Variants in NME2 observed in about 807,000 individuals in gnomAD.
NME2 encodes the protein NME/NM23 nucleoside diphosphate kinase 2.
NME2 carries 18 observed loss-of-function variants against 17.8 expected under a neutral mutation model. That is an observed-to-expected ratio of 1.01 (90% CI 0.70 to 1.50). The LOEUF (loss-of-function observed/expected upper bound fraction) is 1.50, where lower values mean the gene tolerates loss of function less well. NME2 is among the 40% of genes most tolerant of loss of function. The probability of loss-of-function intolerance (pLI) is 0.00; values close to 1 mark genes in which losing one functional copy is unlikely to be tolerated. For missense variants in NME2, 161 were observed against 195.6 expected (o/e 0.82, Z 1.05); for synonymous variants, 74 against 71.4 (o/e 1.04, Z -0.19).
chr17:51,170,104 A>T, intron 4 of NME2, 55 bp downstream of exon 4: 1 of 1,334,686 alleles, frequency 7.5e-7, no homozygotes, highest in Non-Finnish European at 1.0e-6. Flanking sequence ...TTTAAAGCAG[A>T]CGTCATGGCG....
In NME2 at chr17:51,168,343, G is replaced by T; in HGVS notation, c.228G>T (p.Met76Ile). The T allele has an allele frequency of 3.1e-6, 5 of 1,613,812 alleles. No individual in the cohort carries two copies. The South Asian group carries it at 5.5e-5, about 18-fold the overall frequency. The part of the protein sequence containing the change: ...KYMNSGPVVA[M>I]VWEGLNVVKT... ...TGAACTCAGGGCCGGTTGTGGCCATGGTGAGTGCTCGTGGGGAATGAGAGA... is the reference window on the plus strand; with the variant it reads ...TGAACTCAGGGCCGGTTGTGGCCATTGTGAGTGCTCGTGGGGAATGAGAGA... Residue 76 changes from methionine (M) to isoleucine (I), a missense_variant and splice_region_variant, in exon 3 of 5, where the codon ATG becomes ATT. Physicochemically the swap from Met to Ile is conservative, Grantham distance 10. Transcript: ENST00000512737.
chr17:51,169,439 CAAA>C (rs35598805), intron 3 of NME2: 26,837 of 98,780 alleles, frequency 0.27, 2,747 homozygotes, highest in Non-Finnish European at 0.33. Context: ...GACTCTGTCT[CAAA>C]AAAAAAAAAA....
chr17:51,170,089 C>A, intron 4 of NME2, 40 bp downstream of exon 4: 3 of 1,477,674 alleles, frequency 2.0e-6, no homozygotes, highest in Non-Finnish European at 2.8e-6. Context: ...TTTTATGCAA[C>A]ACCATTTAAA....
chr17:51,169,099 A>T (rs1161494936), intron 3 of NME2, among the ~76,000 whole-genome samples: 1 of 152,172 alleles, frequency 6.6e-6, no homozygotes, highest in African/African-American at 2.4e-5. Flanking sequence ...CTATACTAGA[A>T]GCAGTTTCTT....
chr17:51,167,105 C>G, intron 2 of NME2, 149 bp downstream of exon 2: 2 of 1,497,030 alleles, frequency 1.3e-6, no homozygotes, highest in Non-Finnish European at 1.8e-6. Flanking sequence ...GCGGCTTGGG[C>G]CCGCCGACCC....
chr17:51,170,116 A>T, intron 4 of NME2, 67 bp downstream of exon 4: 11 of 1,072,238 alleles, frequency 1.0e-5, no homozygotes, highest in Admixed American at 3.0e-5. Flanking sequence ...GTCATGGCGT[A>T]TCCTACTTTC....
chr17:51,167,320 C>T (rs1218417892), intron 2 of NME2: 2 of 310,216 alleles, frequency 6.4e-6, no homozygotes, highest in African/African-American at 2.3e-5. Flanking sequence ...GGCTTGGAAT[C>T]TCCTTTGCTT....
In NME2 at chr17:51,168,355, T is replaced by G. The variant is rs543921723; in HGVS notation, c.228+12T>G. 19 of 1,612,966 alleles carry G rather than the reference T, an allele frequency of 1.2e-5. No individual in the cohort carries two copies. The African/African-American group carries it at 2.4e-4, about 20-fold the overall frequency. ...CGGTTGTGGCCATGGTGAGTGCTCG[T>G]GGGGAATGAGAGAAAATGAGGAAAA... On this transcript the variant is annotated intron_variant, in intron 3 of 4. Transcript: ENST00000512737.
intron 3 of NME2, among the ~76,000 whole-genome samples, chr17:51,168,637 C>G (rs1042091080): frequency 3.3e-5 from 5 of 151,922 alleles, no homozygotes; most frequent in African/African-American, 1.2e-4. Flanking sequence ...TGCCACTGCA[C>G]TCCAGCCTGG....
chr17:51,167,731 A>G (rs1431423152), intron 2 of NME2, among the ~76,000 whole-genome samples: 1 of 152,194 alleles, frequency 6.6e-6, no homozygotes, highest in African/African-American at 2.4e-5. Context: ...TCACGCCTAT[A>G]ATCCCAGCAA....
rs138826459 is a variant in NME2 at position 51,168,288 on chromosome 17, G to A, written c.173G>A (p.Arg58Gln). The change falls in exon 3 of 5, where the codon CGA becomes CAA. Residue 58 changes from arginine (R) to glutamine (Q), a missense_variant. Physicochemically the swap from Arg to Gln is conservative, Grantham distance 43. Coordinates refer to ENST00000512737, the MANE Select transcript of NME2 (RefSeq NM_002512.4). ...LKQHYIDLKD[R>Q]PFFPGLVKYM... ...CAGCACTACATTGACCTGAAAGACC[G>A]ACCATTCTTCCCTGGGCTGGTGAAG... 191 of 1,613,916 alleles carry A rather than the reference G, an allele frequency of 1.2e-4. No homozygotes were observed. The highest frequency in any genetic ancestry group is 1.3e-4 in the Non-Finnish European group (158 of 1,179,908).
chr17:51,171,218 G>A (rs2050062788), intron 4 of NME2, among the ~76,000 whole-genome samples: 1 of 152,176 alleles, frequency 6.6e-6, no homozygotes, highest in Non-Finnish European at 1.5e-5. Flanking sequence ...AGTGTTTTAT[G>A]TCTTCGGCAA....
Position 51,166,882 on chromosome 17 carries a change from C to T in NME2, c.52C>T (p.Arg18Cys), listed in dbSNP as rs753832491. The T allele has an allele frequency of 1.9e-6, 3 of 1,613,814 alleles. No homozygotes were observed. Among genetic ancestry groups the T allele is most frequent in the Non-Finnish European group, 2.5e-6 (3 of 1,179,850 alleles). The change falls in exon 2 of 5, where the codon CGC becomes TGC. Residue 18 changes from arginine to cysteine, a missense_variant. By Grantham distance (180) the Arg-to-Cys change is radical. Transcript: ENST00000512737. ...FIAIKPDGVQ[R>C]GLVGEIIKRF... is the part of the protein sequence containing the mutation. ...CGCCATCAAGCCGGACGGCGTGCAG[C>T]GCGGCCTGGTGGGCGAGATCATCAA...
At chr17:51,169,439 C>CAAAAAAAAA (rs35598805) in intron 3 of NME2, 1 of 99,106 alleles carries the variant, frequency 1.0e-5, no homozygotes, top group Non-Finnish European at 2.1e-5. Context: ...GACTCTGTCT[C>CAAAAAAAAA]AAAAAAAAAA....
chr17:51,171,651 C>A lies in NME2; in HGVS notation c.*47C>A. Reference sequence around the variant, plus strand: ...TCCTTCAGCACGGCGTGGTGTGTCCCTGGACACAGCTCTTCATTCCATTGA... The same window carrying A: ...TCCTTCAGCACGGCGTGGTGTGTCCATGGACACAGCTCTTCATTCCATTGA... On this transcript the variant is annotated 3_prime_UTR_variant, in exon 5 of 5. Transcript: ENST00000512737. The A allele has an allele frequency of 4.5e-6, 6 of 1,321,370 alleles. No individual in the cohort carries two copies. Among genetic ancestry groups the A allele is most frequent in the Non-Finnish European group, 6.5e-6 (6 of 922,774 alleles). 81.9% of individuals were successfully genotyped at this position (1,321,370 alleles called of 1,614,324 possible). A position where few individuals can be genotyped will look rare whatever the true frequency, so the allele number is the denominator to read the frequency against.
In NME2 at chr17:51,171,380, A is replaced by G; in HGVS notation, c.342-107A>G. ...GGGGTATAAATTGGTCTGTTGCTTC[A>G]AGTGGCAATTTGGCTGAAAGAGTCT... On this transcript the variant is annotated intron_variant, in intron 4 of 4. Transcript: ENST00000512737. 3 of 862,358 alleles carry G rather than the reference A, an allele frequency of 3.5e-6. No individual in the cohort carries two copies. In the South Asian group the frequency reaches 4.8e-5, roughly 14 times the overall value. The allele number at this position is 862,358 out of a possible 1,614,324, so 53.4% of individuals were successfully genotyped here.
intron 2 of NME2, 102 bp downstream of exon 2, chr17:51,167,058 T>C: frequency 6.3e-7 from 1 of 1,599,494 alleles, no homozygotes. Flanking sequence ...TTCATTTCGC[T>C]GCCGCGAAAT....
chr17:51,171,392 G>T (rs1373542831), intron 4 of NME2, 95 bp from the exon 5 acceptor site: 2 of 1,011,026 alleles, frequency 2.0e-6, no homozygotes, highest in Non-Finnish European at 1.5e-6. Flanking sequence ...GTGGCAATTT[G>T]GCTGAAAGAG....
chr17:51,166,915 G>A lies in NME2; in HGVS notation c.85G>A (p.Glu29Lys), dbSNP rs1461382617. 1.2e-6 allele frequency: 2 copies of A among 1,613,674 alleles called. No individual in the cohort carries two copies. Among genetic ancestry groups the A allele is most frequent in the African/African-American group, 2.7e-5 (2 of 74,926 alleles). ...GLVGEIIKRF[E>K]QKGFRLVAMK... The stretch of plus-strand genomic sequence containing the variant: ...GGTGGGCGAGATCATCAAGCGCTTC[G>A]AGCAGAAGGGATTCCGCCTCGTGGC... Residue 29 changes from glutamate to lysine, a missense_variant, in exon 2 of 5, where the codon GAG (glutamate) becomes AAG (lysine). Physicochemically the swap from Glu to Lys is moderately conservative, Grantham distance 56 (BLOSUM62 1). Coordinates refer to ENST00000512737, the MANE Select transcript of NME2 (RefSeq NM_002512.4).
Sources: allele counts gnomAD v4.1 joint callset (sites outside exome capture counted in the v4.1 genomes callset), GRCh38; gene constraint gnomAD v4.1.1; transcripts MANE v1.5; gene names NCBI Gene and HGNC (gene_info 2026-07-23, HGNC 2026-07-21).